DLGAP1: variants seen among roughly 807,000 people sequenced by gnomAD.
DLGAP1 encodes the protein DLG associated protein 1.
DLGAP1 carries 11 observed loss-of-function variants against 90.8 expected under a neutral mutation model. The observed-to-expected ratio is 0.12, with a 90% CI of 0.08 to 0.20. The LOEUF (loss-of-function observed/expected upper bound fraction) is 0.20, where lower values mean the gene tolerates loss of function less well. Ranked by LOEUF, DLGAP1 falls within the 10% of genes least tolerant of loss-of-function variation. The probability of loss-of-function intolerance (pLI) is 1.00; values close to 1 mark genes in which losing one functional copy is unlikely to be tolerated. For missense variants in DLGAP1, 1,050 were observed against 1,333.8 expected, an observed-to-expected ratio of 0.79 and a Z score of 3.31; for synonymous variants, 558 against 540.7, an observed-to-expected ratio of 1.03 and a Z score of -0.44.
At chr18:4,267,928 C>A (rs989491977) in intron 1 of DLGAP1, among the ~76,000 whole-genome samples, 7 of 152,186 alleles carry the variant, frequency 4.6e-5, no homozygotes, top group African/African-American at 1.7e-4. Context: ...CCTTTTACAA[C>A]CAAATCTTGG....
At chr18:3,900,820 C>T (rs916327813) in intron 3 of DLGAP1, among the ~76,000 whole-genome samples, 4 of 151,990 alleles carry the variant, frequency 2.6e-5, no homozygotes, top group South Asian at 2.1e-4. Flanking sequence ...TATTTGGTTT[C>T]GGGTACTGAT....
chr18:4,115,590 ATCC>A (rs977865068), intron 2 of DLGAP1, among the ~76,000 whole-genome samples: 11 of 152,008 alleles, frequency 7.2e-5, no homozygotes, highest in African/African-American at 2.2e-4. Context: ...GGTTCACGCC[ATCC>A]TCCTGCCTCA....
intron 1 of DLGAP1, among the ~76,000 whole-genome samples, chr18:4,220,560 C>T (rs920004493): frequency 3.9e-5 from 6 of 152,038 alleles, no homozygotes; most frequent in African/African-American, 1.2e-4. Context: ...TTTTATTTTC[C>T]ACTCTCTCTA....
At chr18:4,297,107 T>C (rs944019901) in intron 1 of DLGAP1, among the ~76,000 whole-genome samples, 1 of 152,210 alleles carries the variant, frequency 6.6e-6, no homozygotes, top group Non-Finnish European at 1.5e-5. Flanking sequence ...GTAGATGCTA[T>C]AGAAAATGGT....
intron 5 of DLGAP1, among the ~76,000 whole-genome samples, chr18:3,792,318 T>C (rs1184859684): frequency 2.0e-5 from 3 of 151,988 alleles, no homozygotes; most frequent in Non-Finnish European, 4.4e-5. Flanking sequence ...CTGTCTCTAC[T>C]AAAAACACAA....
intron 1 of DLGAP1, among the ~76,000 whole-genome samples, chr18:4,335,223 T>C (rs1275821272): frequency 6.6e-6 from 1 of 151,932 alleles, no homozygotes; most frequent in Admixed American, 6.6e-5. Context: ...TAAAGACATT[T>C]ATGTGGTTGG....
At chr18:3,873,006 C>T (rs1483759658) in intron 4 of DLGAP1, among the ~76,000 whole-genome samples, 5 of 152,058 alleles carry the variant, frequency 3.3e-5, no homozygotes, top group African/African-American at 7.2e-5. Context: ...TTGGTGTTGC[C>T]GAAAATGTCT....
In DLGAP1 at chr18:3,998,867, G is replaced by A. The variant is rs372851075; in HGVS notation, c.-73+6249C>T. 3.2e-4 allele frequency among the ~76,000 whole-genome samples: 48 copies of A among 152,128 alleles called. 3 individuals carry two copies. The South Asian group carries it at 4.6e-3, about 14-fold the overall frequency. On this transcript the variant is annotated intron_variant, in intron 3 of 12. Coordinates refer to ENST00000315677, the MANE Select transcript of DLGAP1 (RefSeq NM_004746.4). ...GTTTTTGTCATTATGATAACATTCCGCTAAAACAGGCAAATTATTGTGTTT... is the reference window on the plus strand; with the variant it reads ...GTTTTTGTCATTATGATAACATTCCACTAAAACAGGCAAATTATTGTGTTT...
chr18:4,403,885 T>C (rs1471228835), intron 1 of DLGAP1, among the ~76,000 whole-genome samples: 2 of 152,180 alleles, frequency 1.3e-5, no homozygotes, highest in African/African-American at 4.8e-5. Flanking sequence ...AGAAGAAGAA[T>C]TGGGTCTCAC....
At chr18:4,232,615 C>G (rs1346849278) in intron 1 of DLGAP1, among the ~76,000 whole-genome samples, 1 of 152,140 alleles carries the variant, frequency 6.6e-6, no homozygotes. Context: ...TTACTATCAA[C>G]TTTAAAATCA....
rs1211506453 is a variant in DLGAP1, at chr18:3,600,731, T to TATATATAGATATATAG, written c.1592-18499_1592-18484dup. ...AGCTATATAGATATAGAGATATAGA[T>TATATATAGATATATAG]ATATATAGATATATAGATATATATA... is the stretch of plus-strand genomic sequence containing the variant. On this transcript the variant is annotated intron_variant, in intron 7 of 12. Coordinates refer to ENST00000315677, the MANE Select transcript of DLGAP1 (RefSeq NM_004746.4). Among the ~76,000 whole-genome samples, 14 of 37,786 alleles carry TATATATAGATATATAG rather than the reference T, an allele frequency of 3.7e-4. 3 individuals are homozygous for TATATATAGATATATAG. The highest frequency in any genetic ancestry group is 2.0e-3 in the African/African-American group (14 of 6,948). 24.8% of individuals were successfully genotyped at this position (37,786 alleles called of 152,430 possible). A position where few individuals can be genotyped will look rare whatever the true frequency, so the allele number is the denominator to read the frequency against.
At chr18:3,686,359 T>C (rs1407548106) in intron 7 of DLGAP1, among the ~76,000 whole-genome samples, 1 of 152,004 alleles carries the variant, frequency 6.6e-6, no homozygotes, top group East Asian at 1.9e-4. Flanking sequence ...TGGGGGAAGG[T>C]TGTTTAGACA....
chr18:4,104,823 G>C (rs114967785), intron 2 of DLGAP1, among the ~76,000 whole-genome samples: 1 of 152,092 alleles, frequency 6.6e-6, no homozygotes, highest in Non-Finnish European at 1.5e-5. Context: ...AGTTCAAATA[G>C]TACAGCATAA....
At chr18:3,667,340 G>A (rs2059921214) in intron 7 of DLGAP1, among the ~76,000 whole-genome samples, 1 of 152,114 alleles carries the variant, frequency 6.6e-6, no homozygotes, top group Non-Finnish European at 1.5e-5. Flanking sequence ...CGGCCTCACA[G>A]TCAACAAATA....
chr18:3,501,481 G>A (rs1178499154), intron 12 of DLGAP1, among the ~76,000 whole-genome samples: 1 of 152,152 alleles, frequency 6.6e-6, no homozygotes, highest in Non-Finnish European at 1.5e-5. Flanking sequence ...ATTGGAAACG[G>A]GGGACAGTGA....
In DLGAP1 at chr18:4,012,299, G is replaced by A. The variant is rs762941344; in HGVS notation, c.-158-7098C>T. Among the ~76,000 whole-genome samples, 27 of 152,020 alleles carry A rather than the reference G, an allele frequency of 1.8e-4. 1 individual carries two copies. The highest frequency in any genetic ancestry group is 5.3e-4 in the African/African-American group (22 of 41,388). ...AGACTTTAGTGGATCCCCATGGCCC[G>A]AGGCAAAGTTCAGGCTCCTCAGAGC... On this transcript the variant is annotated intron_variant, in intron 2 of 12. Coordinates refer to ENST00000315677, the MANE Select transcript of DLGAP1 (RefSeq NM_004746.4).
intron 8 of DLGAP1, among the ~76,000 whole-genome samples, chr18:3,574,050 C>T (rs1326466306): frequency 6.6e-6 from 1 of 152,200 alleles, no homozygotes; most frequent in African/African-American, 2.4e-5. Flanking sequence ...TAGTAATATA[C>T]ATGAGTGTAC....
intron 1 of DLGAP1, among the ~76,000 whole-genome samples, chr18:4,231,115 A>G (rs181368367): frequency 2.9e-4 from 44 of 152,178 alleles, no homozygotes; most frequent in African/African-American, 1.1e-3. Context: ...TGTCAGAAAT[A>G]TTATCTCTTG....
rs1274471621 is a variant in DLGAP1, at chr18:3,694,888, T to A, written c.1591+34247A>T. Among the ~76,000 whole-genome samples, 3 of 151,930 alleles carry A rather than the reference T, an allele frequency of 2.0e-5. No individual in the cohort carries two copies. In the East Asian group the frequency reaches 5.8e-4, roughly 29 times the overall value. ...GCAGGAGCTCTTTAGTTTAATTAGA[T>A]CCCATTTGTCAATTTTGGCTTTTGT... On this transcript the variant is annotated intron_variant, in intron 7 of 12. Transcript: ENST00000315677.
Sources: gnomAD v4.1 joint callset for allele counts (sites outside exome capture counted in the v4.1 genomes callset) on GRCh38, gnomAD v4.1.1 for gene constraint, MANE v1.5 for transcripts, NCBI Gene and HGNC (gene_info 2026-07-23, HGNC 2026-07-21) for gene names.